Variants in THSD7A observed in about 807,000 individuals in gnomAD.
The protein encoded by THSD7A is thrombospondin type-1 domain-containing protein 7A.
Under a neutral mutation model 231.3 loss-of-function variants are expected in THSD7A, and 96 were observed. The ratio of observed to expected loss-of-function variants is 0.41; its 90% CI spans 0.35 to 0.49. The LOEUF (loss-of-function observed/expected upper bound fraction) is 0.49, where lower values mean the gene tolerates loss of function less well. Ranked by LOEUF, THSD7A falls within the 20% of genes least tolerant of loss-of-function variation. THSD7A has a pLI of 0.05. For missense variants in THSD7A, 2,290 were observed against 2,070.2 expected (o/e 1.11, Z -2.06); for synonymous variants, 940 against 743.3 (o/e 1.26, Z -4.30).
rs1781084238 is a variant in THSD7A at position 11,714,889 on chromosome 7, C to T, written c.191-77928G>A. Among the ~76,000 whole-genome samples the T allele has an allele frequency of 2.0e-5, 3 of 151,306 alleles. No individual in the cohort carries two copies. The Admixed American group carries it at 2.0e-4, about 10-fold the overall frequency. On this transcript the variant is annotated intron_variant, in intron 1 of 27. Coordinates refer to ENST00000423059, the MANE Select transcript of THSD7A (RefSeq NM_015204.3). ...TGTTCAGTGTGGCCATTGGAAAAGGCATGTCAAGGTTAGCTGAGTAAATCC... is the reference window on the plus strand; with the variant it reads ...TGTTCAGTGTGGCCATTGGAAAAGGTATGTCAAGGTTAGCTGAGTAAATCC...
chr7:11,426,224 A>C (rs902140166), intron 15 of THSD7A, among the ~76,000 whole-genome samples: 1 of 152,180 alleles, frequency 6.6e-6, no homozygotes. Flanking sequence ...ACTGAAGGAG[A>C]AATGCTCTTC....
intron 9 of THSD7A, among the ~76,000 whole-genome samples, chr7:11,468,765 C>T (rs1024259936): frequency 1.3e-5 from 2 of 152,058 alleles, no homozygotes; most frequent in Non-Finnish European, 2.9e-5. Flanking sequence ...ACCCAGGAGG[C>T]TGAGGTTGCA....
At position 11,370,472 on chromosome 7, in the gene THSD7A, C is replaced by T. The variant is rs1782010240; in HGVS notation, c.*5322G>A. 6.6e-6 allele frequency: 1 copy of T among 152,042 alleles called. No homozygotes were observed. Among genetic ancestry groups the T allele is most frequent in the Non-Finnish European group, 1.5e-5 (1 of 68,004 alleles). 9.4% of individuals were successfully genotyped at this position (152,042 alleles called of 1,614,324 possible). A position where few individuals can be genotyped will look rare whatever the true frequency, so the allele number is the denominator to read the frequency against. On this transcript the variant is annotated 3_prime_UTR_variant, in exon 28 of 28. Coordinates refer to ENST00000423059, the MANE Select transcript of THSD7A (RefSeq NM_015204.3). ...TGATTTCCGTATTTATGTTTGTCAG[C>T]AATATAGTTATTTACAAATAACCCA... is the stretch of plus-strand genomic sequence containing the variant.
intron 4 of THSD7A, among the ~76,000 whole-genome samples, chr7:11,558,814 G>C (rs1369875395): frequency 6.6e-6 from 1 of 152,148 alleles, no homozygotes; most frequent in African/African-American, 2.4e-5. Flanking sequence ...CTTGGAACCT[G>C]TGAATGTGTT....
At chr7:11,414,495 T>C (rs1304458023) in intron 17 of THSD7A, among the ~76,000 whole-genome samples, 1 of 152,228 alleles carries the variant, frequency 6.6e-6, no homozygotes, top group Admixed American at 6.5e-5. Flanking sequence ...CCTAGAAGTG[T>C]CTATTTCTGG....
intron 1 of THSD7A, among the ~76,000 whole-genome samples, chr7:11,830,241 C>T (rs1785154761): frequency 6.6e-6 from 1 of 152,180 alleles, no homozygotes; most frequent in African/African-American, 2.4e-5. Context: ...TGGCTGGGCT[C>T]TTTTCCATCT....
intron 2 of THSD7A, among the ~76,000 whole-genome samples, chr7:11,615,683 G>C (rs1781081964): frequency 6.6e-6 from 1 of 152,046 alleles, no homozygotes. Flanking sequence ...CCCTTCTATA[G>C]TACAAGAGCA....
At chr7:11,435,537 T>A (rs1784606316) in intron 13 of THSD7A, among the ~76,000 whole-genome samples, 1 of 152,016 alleles carries the variant, frequency 6.6e-6, no homozygotes, top group African/African-American at 2.4e-5. Flanking sequence ...GAAACCTGAA[T>A]AAAAACTCTG....
chr7:11,506,659 C>T (rs1787556188), intron 6 of THSD7A, among the ~76,000 whole-genome samples: 1 of 152,188 alleles, frequency 6.6e-6, no homozygotes, highest in Non-Finnish European at 1.5e-5. Context: ...TCCCTTATTC[C>T]ATTTCAGCTT....
At position 11,372,251 on chromosome 7, in the gene THSD7A, T is replaced by C. The variant is rs1324799146; in HGVS notation, c.*3543A>G. On this transcript the variant is annotated 3_prime_UTR_variant, in exon 28 of 28. Coordinates refer to ENST00000423059, the MANE Select transcript of THSD7A (RefSeq NM_015204.3). ...AACAAACCTAGAGTAAAAGTCAACATGTTTCAGTGCTATCTTCACTCATTA... is the reference window on the plus strand; with the variant it reads ...AACAAACCTAGAGTAAAAGTCAACACGTTTCAGTGCTATCTTCACTCATTA... 2 of 151,990 alleles carry C rather than the reference T, an allele frequency of 1.3e-5. No individual in the cohort carries two copies. The highest frequency in any genetic ancestry group is 1.9e-4 in the East Asian group (1 of 5,188). 9.4% of individuals were successfully genotyped at this position (151,990 alleles called of 1,614,324 possible).
intron 23 of THSD7A, among the ~76,000 whole-genome samples, chr7:11,395,154 A>G (rs1402644345): frequency 6.6e-6 from 1 of 152,160 alleles, no homozygotes; most frequent in Non-Finnish European, 1.5e-5. Context: ...CAAAAAAAAA[A>G]AAAGCAGGGG....
At chr7:11,780,802 G>C (rs1783598673) in intron 1 of THSD7A, among the ~76,000 whole-genome samples, 1 of 151,564 alleles carries the variant, frequency 6.6e-6, no homozygotes, top group Admixed American at 6.6e-5. Flanking sequence ...ATTTTATAGG[G>C]AGCAAGGTGA....
At chr7:11,795,975 G>C (rs998826955) in intron 1 of THSD7A, among the ~76,000 whole-genome samples, 1 of 146,244 alleles carries the variant, frequency 6.8e-6, no homozygotes. Flanking sequence ...TGCTTAAGCT[G>C]TTTCCTGTAA....
intron 1 of THSD7A, among the ~76,000 whole-genome samples, chr7:11,741,994 T>C (rs926906122): frequency 6.6e-6 from 1 of 151,946 alleles, no homozygotes; most frequent in Admixed American, 6.6e-5. Flanking sequence ...GATAATTGAC[T>C]TGTCCAAGGT....
chr7:11,800,421 C>G (rs566101347), intron 1 of THSD7A, among the ~76,000 whole-genome samples: 2 of 152,064 alleles, frequency 1.3e-5, no homozygotes, highest in South Asian at 4.2e-4. Context: ...TGGTGATGGG[C>G]GCCTGTAATC....
chr7:11,647,589 G>T (rs2128366859), intron 1 of THSD7A, among the ~76,000 whole-genome samples: 1 of 152,094 alleles, frequency 6.6e-6, no homozygotes, highest in South Asian at 2.1e-4. Context: ...TTTACTATAA[G>T]ATATATTCTT....
intron 1 of THSD7A, among the ~76,000 whole-genome samples, chr7:11,784,780 G>C (rs1340349652): frequency 6.6e-6 from 1 of 152,044 alleles, no homozygotes; most frequent in Non-Finnish European, 1.5e-5. Context: ...TTAGTCATGG[G>C]AAATTTTTGA....
chr7:11,420,687 G>A (rs920480447), intron 16 of THSD7A, among the ~76,000 whole-genome samples: 2 of 152,206 alleles, frequency 1.3e-5, no homozygotes, highest in African/African-American at 4.8e-5. Flanking sequence ...CCAGACCCCA[G>A]AATGACAGAT....
chr7:11,763,053 C>T (rs1481066022), intron 1 of THSD7A, among the ~76,000 whole-genome samples: 1 of 152,152 alleles, frequency 6.6e-6, no homozygotes, highest in African/African-American at 2.4e-5. Context: ...CATTTCATTG[C>T]TTAAAATTCT....
Sources: allele counts gnomAD v4.1 joint callset (sites outside exome capture counted in the v4.1 genomes callset), GRCh38; gene constraint gnomAD v4.1.1; transcripts MANE v1.5; gene names NCBI Gene and HGNC (gene_info 2026-07-23, HGNC 2026-07-21).